Variants in PLSCR5 observed in about 807,000 individuals in gnomAD.
PLSCR5 encodes phospholipid scramblase family member 5.
PLSCR5 carries 44 observed loss-of-function variants against 33.6 expected under a neutral mutation model. The observed-to-expected ratio is 1.31, with a 90% confidence interval of 1.03 to 1.69. PLSCR5 has a LOEUF of 1.69. PLSCR5 is among the 40% of genes most tolerant of loss of function. The pLI is 0.00. For synonymous variants in PLSCR5, 148 were observed against 112.3 expected, an observed-to-expected ratio of 1.32 and a Z score of -2.01; for missense variants, 375 against 318.7, an observed-to-expected ratio of 1.18 and a Z score of -1.34.
chr3:146,590,997 G>GTTTT (rs371124404), intron 5 of PLSCR5, among the ~76,000 whole-genome samples: 53 of 141,890 alleles, frequency 3.7e-4, no homozygotes, highest in East Asian at 3.7e-3. Context: ...GTTTTTTTTT[G>GTTTT]TTTTTTTTTT....
chr3:146,592,851 A>G (rs920544689), intron 4 of PLSCR5, among the ~76,000 whole-genome samples: 17 of 152,154 alleles, frequency 1.1e-4, no homozygotes, highest in Admixed American at 5.2e-4. Flanking sequence ...AAATTTTAAA[A>G]TGAGCATATT....
intron 5 of PLSCR5, 37 bp downstream of exon 5, chr3:146,591,683 A>T: frequency 1.3e-6 from 2 of 1,572,726 alleles, no homozygotes; most frequent in Non-Finnish European, 1.7e-6. Flanking sequence ...AAAAATCAGG[A>T]CCTAAATGAA....
intron 6 of PLSCR5, among the ~76,000 whole-genome samples, chr3:146,589,151 A>G (rs2044688649): frequency 6.6e-6 from 1 of 152,220 alleles, no homozygotes; most frequent in Non-Finnish European, 1.5e-5. Context: ...AGTAATAACA[A>G]GAACATAGTA....
chr3:146,598,218 T>C (rs759609483), intron 2 of PLSCR5, among the ~76,000 whole-genome samples: 4 of 152,150 alleles, frequency 2.6e-5, no homozygotes, highest in Non-Finnish European at 4.4e-5. Flanking sequence ...GTTTATTCAT[T>C]GATTAATGTA....
rs778602303 is a variant in PLSCR5 at position 146,591,824 on chromosome 3, G to A, written c.511C>T (p.Pro171Ser). ...TGGATTGTGAATTTAGGCAGAAAGG[G>A]GTCCCACTTCTGCGTAACGTAACCA... ...IVGYVTQKWDPFLPKFTIQNA... is the reference protein window; with the variant it reads ...IVGYVTQKWDSFLPKFTIQNA... Residue 171 changes from proline to serine, a missense_variant, in exon 5 of 8, where the codon CCC (proline) becomes TCC (serine). By Grantham distance (74) the Pro-to-Ser change is moderately conservative. Transcript: ENST00000443512. 3 of 1,612,230 alleles carry A rather than the reference G, an allele frequency of 1.9e-6. No individual in the cohort carries two copies. The African/African-American group carries it at 4.0e-5, about 22-fold the overall frequency.
rs1272603740 is a variant in PLSCR5, at chr3:146,600,475, T to A, written c.14-12A>T. ...TTGGTTCTGGGCATCTGCAAGAGAA[T>A]GGAAATCCCAATCCATATTTAAATT... On this transcript the variant is annotated splice_polypyrimidine_tract_variant and intron_variant, in intron 1 of 7. Transcript: ENST00000443512. 1.3e-6 allele frequency: 2 copies of A among 1,564,282 alleles called. No individual in the cohort carries two copies. The highest frequency in any genetic ancestry group is 1.7e-6 in the Non-Finnish European group (2 of 1,152,608).
At chr3:146,598,857 T>C (rs749832087) in intron 2 of PLSCR5, among the ~76,000 whole-genome samples, 20 of 152,222 alleles carry the variant, frequency 1.3e-4, no homozygotes, top group Non-Finnish European at 2.4e-4. Context: ...TAAAGTACAT[T>C]TGTCTGCCAG....
intron 7 of PLSCR5, among the ~76,000 whole-genome samples, chr3:146,578,424 T>C (rs1024652307): frequency 6.6e-6 from 1 of 152,136 alleles, no homozygotes; most frequent in African/African-American, 2.4e-5. Flanking sequence ...ATATTATTAA[T>C]TCAGGTCTTA....
intron 5 of PLSCR5, among the ~76,000 whole-genome samples, chr3:146,591,455 T>A (rs1053543760): frequency 1.3e-5 from 2 of 152,018 alleles, no homozygotes; most frequent in African/African-American, 4.8e-5. Flanking sequence ...CTTTGGATAA[T>A]ACTTACACTG....
chr3:146,591,158 TC>T (rs1345037525), intron 5 of PLSCR5, among the ~76,000 whole-genome samples: 1 of 145,464 alleles, frequency 6.9e-6, no homozygotes, highest in Non-Finnish European at 1.5e-5. Context: ...TTTAGGTGAT[TC>T]TAAACTGTAT....
At chr3:146,585,820 C>G, downstream of PLSCR5, 1 of 274,224 alleles carries the variant, frequency 3.6e-6, no homozygotes, top group Non-Finnish European at 6.8e-6. Context: ...AGCTATCATG[C>G]ATTCACAACT....
At chr3:146,598,518 C>T (rs75129649) in intron 2 of PLSCR5, among the ~76,000 whole-genome samples, 7,487 of 152,088 alleles carry the variant, frequency 0.049, 184 homozygotes, top group Non-Finnish European at 0.059. Context: ...AAAATTTATT[C>T]CATTTTAGAA....
chr3:146,580,454 C>CTTTTTTTTTTTTTT (rs1170556618), intron 7 of PLSCR5, among the ~76,000 whole-genome samples: 1 of 60,570 alleles, frequency 1.7e-5, no homozygotes, highest in African/African-American at 7.2e-5. Flanking sequence ...TTTGAATTTG[C>CTTTTTTTTTTTTTT]TTTTTTTTTT....
exon 8 of PLSCR5, chr3:146,576,623 G>T (rs1189905898): frequency 1.3e-5 from 2 of 151,872 alleles, no homozygotes; most frequent in African/African-American, 2.4e-5. Flanking sequence ...GTTGCACCTG[G>T]TCATCTCTGA....
At chr3:146,602,417 C>A (rs1428531238) in intron 1 of PLSCR5, among the ~76,000 whole-genome samples, 3 of 152,064 alleles carry the variant, frequency 2.0e-5, no homozygotes, top group African/African-American at 4.8e-5. Context: ...ATAGGGAAAA[C>A]TAGTTCACAA....
Position 146,595,032 on chromosome 3 carries a change from T to A in PLSCR5, c.232+9A>T. 7.1e-7 allele frequency: 1 copy of A among 1,409,562 alleles called. No homozygotes were observed. The highest frequency in any genetic ancestry group is 9.4e-7 in the Non-Finnish European group (1 of 1,059,574). 87.3% of individuals were successfully genotyped at this position (1,409,562 alleles called of 1,614,324 possible). ...TTTAATAAATATGTAATATATATAA[T>A]GCACTTACTTCCAAGCAGCTCCACC... On this transcript the variant is annotated intron_variant, in intron 3 of 7. Transcript: ENST00000443512.
At chr3:146,600,737 T>C (rs72988673) in intron 1 of PLSCR5, among the ~76,000 whole-genome samples, 6,526 of 150,842 alleles carry the variant, frequency 0.043, 177 homozygotes, top group East Asian at 0.12. Context: ...TATGTGTATA[T>C]GTATCTGTAT....
chr3:146,577,634 A>G (rs2044607391), intron 7 of PLSCR5, among the ~76,000 whole-genome samples: 1 of 152,158 alleles, frequency 6.6e-6, no homozygotes, highest in South Asian at 2.1e-4. Flanking sequence ...CCATCAATTC[A>G]GTCTGCTCAT....
intron 3 of PLSCR5, among the ~76,000 whole-genome samples, chr3:146,594,666 A>G (rs2044743350): frequency 6.6e-6 from 1 of 152,118 alleles, no homozygotes. Flanking sequence ...ATTCTTAAAT[A>G]ATTTGCCTAT....
Sources: allele counts gnomAD v4.1 joint callset (sites outside exome capture counted in the v4.1 genomes callset), GRCh38; gene constraint gnomAD v4.1.1; transcripts MANE v1.5; gene names NCBI Gene and HGNC (gene_info 2026-07-23, HGNC 2026-07-21).